Variants in DTHD1 observed in about 807,000 individuals in gnomAD.
The protein encoded by DTHD1 is death domain-containing protein 1.
Under a neutral mutation model 74.8 loss-of-function variants are expected in DTHD1, and 59 were observed. The ratio of observed to expected loss-of-function variants is 0.79; its 90% CI spans 0.64 to 0.98. DTHD1 has a LOEUF of 0.98. DTHD1 is among the 50% of genes least tolerant of loss of function. The pLI, the probability that DTHD1 is intolerant of heterozygous loss-of-function variation, is 0.00. For synonymous variants in DTHD1, 365 were observed against 371.1 expected (o/e 0.98, Z 0.19); for missense variants, 1,051 against 1,065.4 (o/e 0.99, Z 0.19).
rs1226154515 is a variant in DTHD1 at position 36,287,385 on chromosome 4, A to C, written c.887+2794A>C. On this transcript the variant is annotated intron_variant, in intron 2 of 9. Coordinates refer to ENST00000639862, the MANE Select transcript of DTHD1 (RefSeq NM_001170700.3). ...ATGTAACAATTTCTTTATCCACTTG[A>C]TTGATGGGCATTTGGGCTGGTTCCA... Among the ~76,000 whole-genome samples, 3 of 152,154 alleles carry C rather than the reference A, an allele frequency of 2.0e-5. No homozygotes were observed. In the East Asian group the frequency reaches 5.8e-4, roughly 29 times the overall value.
At chr4:36,286,979 A>AT (rs529990793) in intron 2 of DTHD1, among the ~76,000 whole-genome samples, 58 of 150,810 alleles carry the variant, frequency 3.8e-4, no homozygotes, top group South Asian at 2.5e-3. Flanking sequence ...AATTTTTCTT[A>AT]TTTTTTTTTA....
rs7671251 is a variant in DTHD1, at chr4:36,281,653, C to T, written c.-106C>T. ...TGAGAAAGTGCTGGGCTAGCTGACT[C>T]GGATCATCTCCTAGAGTTTAGGAGA... On this transcript the variant is annotated 5_prime_UTR_variant, in exon 1 of 10. Coordinates refer to ENST00000639862, the MANE Select transcript of DTHD1 (RefSeq NM_001170700.3). The T allele has an allele frequency of 6.9e-4, 847 of 1,232,182 alleles. 1 individual carries two copies. The highest frequency in any genetic ancestry group is 3.6e-3 in the African/African-American group (233 of 64,512). The allele number at this position is 1,232,182 out of a possible 1,614,324, so 76.3% of individuals were successfully genotyped here.
At chr4:36,318,324 C>G (rs1163611278) in intron 8 of DTHD1, among the ~76,000 whole-genome samples, 1 of 152,184 alleles carries the variant, frequency 6.6e-6, no homozygotes, top group African/African-American at 2.4e-5. Context: ...TGTATGATGT[C>G]TGTACTATGC....
intron 5 of DTHD1, among the ~76,000 whole-genome samples, chr4:36,301,718 G>T (rs1012899292): frequency 5.3e-5 from 8 of 152,022 alleles, no homozygotes; most frequent in African/African-American, 1.9e-4. Context: ...ATATGAATCT[G>T]ATCGTCCCTA....
chr4:36,325,202 CTG>C (rs1758270384), intron 8 of DTHD1, among the ~76,000 whole-genome samples: 1 of 152,108 alleles, frequency 6.6e-6, no homozygotes, highest in Non-Finnish European at 1.5e-5. Flanking sequence ...CACCAAAAAA[CTG>C]TGATTGATTT....
At chr4:36,316,723 C>T (rs1333496573) in intron 8 of DTHD1, among the ~76,000 whole-genome samples, 2 of 152,144 alleles carry the variant, frequency 1.3e-5, no homozygotes, top group East Asian at 3.8e-4. Context: ...GTCCCCACAG[C>T]ATGTTGTTGC....
intron 8 of DTHD1, among the ~76,000 whole-genome samples, chr4:36,337,916 C>T (rs1759101709): frequency 6.6e-6 from 1 of 152,174 alleles, no homozygotes; most frequent in Non-Finnish European, 1.5e-5. Flanking sequence ...AAATATAGTA[C>T]AGAGAAGTTC....
rs1276429373 is a variant in DTHD1, at chr4:36,316,273, A to G, written c.2127A>G (p.Thr709=). ...SNGKDYGKDY[T]LIFHLQRKPR... ...GGAAGGATTATGGAAAAGACTACAC[A>G]CTTATTTTTCACTTGCAAAGAAAAC... Residue 709 remains threonine (T), a synonymous_variant, in exon 8 of 10, where the codon ACA becomes ACG. Coordinates refer to ENST00000639862, the MANE Select transcript of DTHD1 (RefSeq NM_001170700.3). 9.0e-6 allele frequency: 14 copies of G among 1,551,636 alleles called. No individual in the cohort carries two copies. Among genetic ancestry groups the G allele is most frequent in the Non-Finnish European group, 1.2e-5 (14 of 1,146,946 alleles).
At chr4:36,328,072 G>T (rs1424346136) in intron 8 of DTHD1, among the ~76,000 whole-genome samples, 1 of 152,090 alleles carries the variant, frequency 6.6e-6, no homozygotes, top group East Asian at 1.9e-4. Flanking sequence ...ATATAAAGCT[G>T]GCTGCATAAA....
At position 36,288,331 on chromosome 4, in the gene DTHD1, C is replaced by G. The variant is rs141520895; in HGVS notation, c.888-2042C>G. 1.2e-4 allele frequency among the ~76,000 whole-genome samples: 19 copies of G among 152,318 alleles called. No individual in the cohort carries two copies. In the East Asian group the frequency reaches 3.3e-3, roughly 26 times the overall value. On this transcript the variant is annotated intron_variant, in intron 2 of 9. Transcript: ENST00000639862. ...CAGGCTGGTCTTGAATTCTTGACCT[C>G]AGGTGATCCTTCCGCTTCGGTCTCC...
Position 36,339,097 on chromosome 4 carries a change from C to T in DTHD1, c.2341-15C>T. On this transcript the variant is annotated splice_polypyrimidine_tract_variant and intron_variant, in intron 8 of 9. Transcript: ENST00000639862. The stretch of plus-strand genomic sequence containing the variant: ...TTACTTCTTCTGTTTATTTTGTGTT[C>T]CTTTCCCCCAATAGCATAAGAAATT... The T allele has an allele frequency of 6.5e-7, 1 of 1,541,092 alleles. No homozygotes were observed. Among genetic ancestry groups the T allele is most frequent in the Non-Finnish European group, 8.8e-7 (1 of 1,139,340 alleles).
At chr4:36,337,360 GA>G (rs1283522571) in intron 8 of DTHD1, among the ~76,000 whole-genome samples, 1 of 151,876 alleles carries the variant, frequency 6.6e-6, no homozygotes, top group South Asian at 2.1e-4. Flanking sequence ...TCATGTGCAT[GA>G]AAAAAAATTT....
intron 5 of DTHD1, among the ~76,000 whole-genome samples, chr4:36,296,936 A>G (rs1399417435): frequency 6.6e-6 from 1 of 152,130 alleles, no homozygotes; most frequent in Non-Finnish European, 1.5e-5. Context: ...CCAGGAGAAA[A>G]GCCTTACCAA....
intron 8 of DTHD1, among the ~76,000 whole-genome samples, chr4:36,321,410 G>A (rs73229062): frequency 0.1 from 15,688 of 152,220 alleles, 1,110 homozygotes; most frequent in Admixed American, 0.21. Flanking sequence ...GATCCTTGTA[G>A]GAGTGCAAAC....
chr4:36,290,759 C>A, intron 3 of DTHD1, 56 bp downstream of exon 3: 1 of 1,313,256 alleles, frequency 7.6e-7, no homozygotes, highest in Non-Finnish European at 1.0e-6. Context: ...TTATAAATAT[C>A]ACTCAGACTA....
intron 5 of DTHD1, among the ~76,000 whole-genome samples, chr4:36,298,198 T>A (rs1378616191): frequency 6.6e-6 from 1 of 152,074 alleles, no homozygotes; most frequent in Non-Finnish European, 1.5e-5. Context: ...CAAGTGCTCT[T>A]TTTTTTGTGT....
chr4:36,341,561 A>G (rs1336266683), intron 9 of DTHD1, among the ~76,000 whole-genome samples: 1 of 152,164 alleles, frequency 6.6e-6, no homozygotes, highest in South Asian at 2.1e-4. Context: ...GTTTAGAAAA[A>G]ATATTTTTAA....
In DTHD1 at chr4:36,294,777, A is replaced by C. The variant is rs1249603690; in HGVS notation, c.1399-18A>C. The C allele has an allele frequency of 3.3e-6, 5 of 1,496,016 alleles. No homozygotes were observed. Among genetic ancestry groups the C allele is most frequent in the Non-Finnish European group, 2.7e-6 (3 of 1,123,258 alleles). 92.7% of individuals were successfully genotyped at this position (1,496,016 alleles called of 1,614,324 possible). Reference sequence around the variant, plus strand: ...TCTTTTCTATTAAAACATAAGAAAAAATATATTTTTTGTTTAGATCCAACC... The same window carrying C: ...TCTTTTCTATTAAAACATAAGAAAACATATATTTTTTGTTTAGATCCAACC... On this transcript the variant is annotated intron_variant, in intron 4 of 9. Transcript: ENST00000639862.
At chr4:36,285,324 G>T (rs1755637424) in intron 2 of DTHD1, among the ~76,000 whole-genome samples, 1 of 152,112 alleles carries the variant, frequency 6.6e-6, no homozygotes, top group African/African-American at 2.4e-5. Flanking sequence ...TTTAGCCTCA[G>T]ATTCACTTTA....
Sources: gnomAD v4.1 joint callset for allele counts (sites outside exome capture counted in the v4.1 genomes callset) on GRCh38, gnomAD v4.1.1 for gene constraint, MANE v1.5 for transcripts, NCBI Gene and HGNC (gene_info 2026-07-23, HGNC 2026-07-21) for gene names.